NUBP1: variants seen among roughly 807,000 people sequenced by gnomAD.
NUBP1 encodes the protein cytosolic Fe-S cluster assembly factor NUBP1.
NUBP1 carries 46 observed loss-of-function variants against 41.8 expected under a neutral mutation model. The ratio of observed to expected loss-of-function variants is 1.10; its 90% CI spans 0.87 to 1.41. NUBP1 has a LOEUF of 1.41. Ranked by LOEUF, NUBP1 falls within the 40% of genes most tolerant of loss-of-function variation. The pLI, the probability that NUBP1 is intolerant of heterozygous loss-of-function variation, is 0.00. For missense variants in NUBP1, 494 were observed against 414.0 expected (o/e 1.19, Z -1.68); for synonymous variants, 189 against 154.6 (o/e 1.22, Z -1.65).
rs1329638108 is a variant in NUBP1, at chr16:10,761,076, A to G, written c.607-288A>G. On this transcript the variant is annotated intron_variant, in intron 7 of 10. Coordinates refer to ENST00000283027, the MANE Select transcript of NUBP1 (RefSeq NM_002484.4). Reference sequence around the variant, plus strand: ...GGAACTGTCAAACACTTACAAAACCATCAGATCTCGTGAAAACTCACTATC... The same window carrying G: ...GGAACTGTCAAACACTTACAAAACCGTCAGATCTCGTGAAAACTCACTATC... 5 of 302,722 alleles carry G rather than the reference A, an allele frequency of 1.7e-5. No homozygotes were observed. The East Asian group carries it at 4.0e-4, about 24-fold the overall frequency. 18.8% of individuals were successfully genotyped at this position (302,722 alleles called of 1,614,324 possible). A position where few individuals can be genotyped will look rare whatever the true frequency, so the allele number is the denominator to read the frequency against.
In NUBP1 at chr16:10,759,185, C is replaced by A. The variant is rs937909158; in HGVS notation, c.606+1158C>A. Among the ~76,000 whole-genome samples, 1 of 152,214 alleles carries A rather than the reference C, an allele frequency of 6.6e-6. No individual in the cohort carries two copies. Among genetic ancestry groups the A allele is most frequent in the African/African-American group, 2.4e-5 (1 of 41,446 alleles). Reference sequence around the variant, plus strand: ...GCCGGGCACCAGGGCAGTAAAAAGGCCTGGCTCTCCCTGGTGGCCCCTGTG... The same window carrying A: ...GCCGGGCACCAGGGCAGTAAAAAGGACTGGCTCTCCCTGGTGGCCCCTGTG... On this transcript the variant is annotated intron_variant, in intron 7 of 10. Transcript: ENST00000283027. The surrounding 1 kb of genome is among the most constrained non-coding windows in gnomAD (Gnocchi z 4.7).
chr16:10,747,040 A>G lies in NUBP1; in HGVS notation c.125-103A>G. ...GAGGATCGTTTTAAACAGCCCCAGG[A>G]CTAGTACTAGGACTAGGACTTAGCT... is the stretch of plus-strand genomic sequence containing the variant. On this transcript the variant is annotated intron_variant, in intron 2 of 10. Coordinates refer to ENST00000283027, the MANE Select transcript of NUBP1 (RefSeq NM_002484.4). The G allele has an allele frequency of 3.7e-6, 5 of 1,356,694 alleles. No homozygotes were observed. The South Asian group carries it at 6.7e-5, about 18-fold the overall frequency. The allele number at this position is 1,356,694 out of a possible 1,614,324, so 84.0% of individuals were successfully genotyped here. A position where few individuals can be genotyped will look rare whatever the true frequency, so the allele number is the denominator to read the frequency against.
chr16:10,755,644 T>C (rs1395040460), intron 4 of NUBP1, 77 bp from the exon 5 acceptor site: 26 of 1,408,510 alleles, frequency 1.8e-5, no homozygotes, highest in Non-Finnish European at 2.5e-5. Flanking sequence ...TCTTACTTTG[T>C]ACAATTTGTC....
intron 9 of NUBP1, among the ~76,000 whole-genome samples, chr16:10,762,860 C>T (rs866385221): frequency 6.9e-4 from 104 of 151,624 alleles, no homozygotes; most frequent in Middle Eastern, 6.8e-3. Flanking sequence ...GCGGGGAGGG[C>T]GGAGGCCACG....
At chr16:10,755,244 G>C (rs966642510) in intron 4 of NUBP1, among the ~76,000 whole-genome samples, 2 of 152,166 alleles carry the variant, frequency 1.3e-5, no homozygotes, top group South Asian at 4.1e-4. Flanking sequence ...GGGGGAAGAG[G>C]TCTGAATCTT....
At chr16:10,764,580 T>C (rs535121318) in intron 9 of NUBP1, among the ~76,000 whole-genome samples, 10 of 151,702 alleles carry the variant, frequency 6.6e-5, no homozygotes, top group Admixed American at 5.2e-4. Context: ...TGCTGGAGTA[T>C]GTCAGTCTAT....
chr16:10,761,580 G>T, intron 8 of NUBP1, 106 bp downstream of exon 8: 1 of 1,101,758 alleles, frequency 9.1e-7, no homozygotes, highest in South Asian at 1.5e-5. Context: ...TGTCATTTTG[G>T]GAAGTGGAAT....
At position 10,744,037 on chromosome 16, in the gene NUBP1, T is replaced by G. The variant is rs753666222; in HGVS notation, c.96T>G (p.Ala32=). 6.3e-7 allele frequency: 1 copy of G among 1,583,278 alleles called. No homozygotes were observed. The highest frequency in any genetic ancestry group is 1.2e-5 in the South Asian group (1 of 86,384). ...CQGCPNQRLC[A]SGAGATPDTA... The stretch of plus-strand genomic sequence containing the variant: ...GATGCCCCAACCAGCGGCTGTGCGC[T>G]TCTGGAGCGGGGGCCACTCCGGACA... Residue 32 remains alanine (A), a synonymous_variant, in exon 2 of 11, where the codon GCT becomes GCG. Coordinates refer to ENST00000283027, the MANE Select transcript of NUBP1 (RefSeq NM_002484.4).
intron 4 of NUBP1, among the ~76,000 whole-genome samples, chr16:10,753,073 C>T (rs554111013): frequency 4.6e-5 from 7 of 152,240 alleles, no homozygotes; most frequent in South Asian, 2.1e-4. Flanking sequence ...GGATTACAGG[C>T]GTGAGCCACC....
chr16:10,753,585 A>G (rs1199847734), intron 4 of NUBP1, among the ~76,000 whole-genome samples: 2 of 151,990 alleles, frequency 1.3e-5, no homozygotes, highest in Admixed American at 6.6e-5. Flanking sequence ...AATTAGTGCC[A>G]GGAATGCATT....
Position 10,749,720 on chromosome 16 carries a change from T to C in NUBP1, c.258+2444T>C, listed in dbSNP as rs1355347975. Among the ~76,000 whole-genome samples, 1 of 152,220 alleles carries C rather than the reference T, an allele frequency of 6.6e-6. No individual in the cohort carries two copies. The highest frequency in any genetic ancestry group is 1.5e-5 in the Non-Finnish European group (1 of 68,038). On this transcript the variant is annotated intron_variant, in intron 3 of 10. Coordinates refer to ENST00000283027, the MANE Select transcript of NUBP1 (RefSeq NM_002484.4). The surrounding 1 kb of genome is among the most constrained non-coding windows in gnomAD (Gnocchi z 4.1). ...GGTGGTGGGACATGCCCTGACCTTT[T>C]TCTGCCTGCCATCTGGTGGAAGCTT...
chr16:10,743,897 G>C lies in NUBP1; in HGVS notation c.19+15G>C, dbSNP rs1449095222. 1.1e-5 allele frequency: 18 copies of C among 1,572,190 alleles called. No homozygotes were observed. The highest frequency in any genetic ancestry group is 2.7e-5 in the African/African-American group (2 of 73,788). On this transcript the variant is annotated intron_variant, in intron 1 of 10. Transcript: ENST00000283027. Reference sequence around the variant, plus strand: ...GGTGCCTCACGGTAAGCTCGCGGAGGGGGCGTGGGTCGCGGGGCGAAAGTG... The same window carrying C: ...GGTGCCTCACGGTAAGCTCGCGGAGCGGGCGTGGGTCGCGGGGCGAAAGTG...
intron 9 of NUBP1, chr16:10,762,162 C>T (rs574491686): frequency 1.8e-4 from 46 of 249,518 alleles, no homozygotes; most frequent in Non-Finnish European, 2.7e-4. Context: ...GATAGAGGGG[C>T]GGCTCCAGGG....
chr16:10,762,156 G>A (rs942108070), intron 9 of NUBP1: 1 of 262,884 alleles, frequency 3.8e-6, no homozygotes, highest in Non-Finnish European at 7.3e-6. Context: ...GCACCCGATA[G>A]AGGGGCGGCT....
At chr16:10,755,830 T>C (rs1414766585) in intron 5 of NUBP1, 77 bp downstream of exon 5, 1 of 1,375,648 alleles carries the variant, frequency 7.3e-7, no homozygotes, top group African/African-American at 1.4e-5. Flanking sequence ...GGTTTGTTGG[T>C]CCATAGGTAT....
At position 10,757,551 on chromosome 16, in the gene NUBP1, C is replaced by T; in HGVS notation, c.452-322C>T. On this transcript the variant is annotated intron_variant, in intron 6 of 10. Coordinates refer to ENST00000283027, the MANE Select transcript of NUBP1 (RefSeq NM_002484.4). The surrounding 1 kb of genome is among the most constrained non-coding windows in gnomAD (Gnocchi z 4.1). Reference sequence around the variant, plus strand: ...TCCCTGGCCTTTACCCACAAGATGCCAGTAGCACCCCCTACTCTATTTGTG... The same window carrying T: ...TCCCTGGCCTTTACCCACAAGATGCTAGTAGCACCCCCTACTCTATTTGTG... Among the ~76,000 whole-genome samples the T allele has an allele frequency of 6.6e-6, 1 of 152,132 alleles. No individual in the cohort carries two copies. The highest frequency in any genetic ancestry group is 1.5e-5 in the Non-Finnish European group (1 of 68,026).
In NUBP1 at chr16:10,767,707, C is replaced by T. The variant is rs1050820596; in HGVS notation, c.821-242C>T. Reference sequence around the variant, plus strand: ...GCTGCTGAATCAGTTCTCTGTAGGGCCCTGGAACCTGCATTTTCTGTACAC... The same window carrying T: ...GCTGCTGAATCAGTTCTCTGTAGGGTCCTGGAACCTGCATTTTCTGTACAC... On this transcript the variant is annotated intron_variant, in intron 9 of 10. Coordinates refer to ENST00000283027, the MANE Select transcript of NUBP1 (RefSeq NM_002484.4). This position sits in a 1 kb window ranked among gnomAD's most constrained non-coding sequence, Gnocchi z 4.6. 13 of 564,274 alleles carry T rather than the reference C, an allele frequency of 2.3e-5. No individual in the cohort carries two copies. The highest frequency in any genetic ancestry group is 3.2e-5 in the Non-Finnish European group (10 of 316,756). The allele number at this position is 564,274 out of a possible 1,614,324, so 35.0% of individuals were successfully genotyped here.
intron 3 of NUBP1, among the ~76,000 whole-genome samples, chr16:10,751,372 T>C (rs1414636867): frequency 6.6e-6 from 1 of 152,170 alleles, no homozygotes; most frequent in East Asian, 1.9e-4. Flanking sequence ...TTTCCGATGA[T>C]GTCGCTCTGC....
At chr16:10,755,916 G>T (rs1278998234) in intron 5 of NUBP1, among the ~76,000 whole-genome samples, 163 bp downstream of exon 5, 1 of 152,230 alleles carries the variant, frequency 6.6e-6, no homozygotes, top group East Asian at 1.9e-4. Flanking sequence ...TAAAGTGTGG[G>T]ACGGTAAAGA....
Sources: gnomAD v4.1 joint callset for allele counts (sites outside exome capture counted in the v4.1 genomes callset) on GRCh38, gnomAD v4.1.1 for gene constraint, Gnocchi (gnomAD v3.1) non-coding constraint, MANE v1.5 for transcripts, NCBI Gene and HGNC (gene_info 2026-07-23, HGNC 2026-07-21) for gene names.